Variants in ANTXR1 observed in about 807,000 individuals in gnomAD.
The protein encoded by ANTXR1 is anthrax toxin receptor 1.
ANTXR1 carries 19 observed loss-of-function variants against 78.1 expected under a neutral mutation model. The ratio of observed to expected loss-of-function variants is 0.24; its 90% CI spans 0.17 to 0.36. ANTXR1 has a LOEUF of 0.36. Ranked by LOEUF, ANTXR1 falls within the 10% of genes least tolerant of loss-of-function variation. The pLI, the probability that ANTXR1 is intolerant of heterozygous loss-of-function variation, is 1.00. For synonymous variants in ANTXR1, 273 were observed against 260.5 expected (o/e 1.05, Z -0.46); for missense variants, 518 against 718.6 (o/e 0.72, Z 3.19).
intron 17 of ANTXR1, among the ~76,000 whole-genome samples, chr2:69,205,904 CTTTAAG>C (rs1415743687): frequency 1.3e-5 from 2 of 150,188 alleles, no homozygotes; most frequent in Non-Finnish European, 3.0e-5. Flanking sequence ...AATAACTTTT[CTTTAAG>C]TTTGTTTGAA....
intron 14 of ANTXR1, among the ~76,000 whole-genome samples, chr2:69,180,106 C>T (rs1674236092): frequency 6.6e-6 from 1 of 152,246 alleles, no homozygotes; most frequent in African/African-American, 2.4e-5. Flanking sequence ...CCAAGCACAA[C>T]ATGTAACTCA....
chr2:69,050,377 G>A (rs1669895908), intron 3 of ANTXR1, among the ~76,000 whole-genome samples: 1 of 151,680 alleles, frequency 6.6e-6, no homozygotes, highest in Non-Finnish European at 1.5e-5. Context: ...CTTTATCATG[G>A]TTTGCTATGT....
intron 17 of ANTXR1, among the ~76,000 whole-genome samples, chr2:69,232,498 C>CAAA (rs757638057): frequency 1.1e-5 from 1 of 92,060 alleles, no homozygotes; most frequent in African/African-American, 3.8e-5. Context: ...AGCTTGTCTC[C>CAAA]AAAAAAAAAA....
intron 14 of ANTXR1, chr2:69,172,225 C>G (rs1274698539): frequency 1.2e-5 from 8 of 673,074 alleles, no homozygotes; most frequent in Non-Finnish European, 2.1e-5. Context: ...AGAAACTACC[C>G]AAACTGGAGA....
chr2:69,026,689 G>A (rs764802307), intron 1 of ANTXR1, among the ~76,000 whole-genome samples: 5 of 152,196 alleles, frequency 3.3e-5, no homozygotes, highest in African/African-American at 4.8e-5. Flanking sequence ...CTGTTTTGGG[G>A]CATCATAAGA....
intron 17 of ANTXR1, among the ~76,000 whole-genome samples, chr2:69,244,195 G>GCCCTGTCTTAAGTAGCAC (rs934060965): frequency 1.3e-5 from 2 of 152,344 alleles, no homozygotes; most frequent in African/African-American, 4.8e-5. Context: ...GCTACTTAAG[G>GCCCTGTCTTAAGTAGCAC]CTGGCTTTGG....
intron 17 of ANTXR1, among the ~76,000 whole-genome samples, chr2:69,196,122 T>C (rs924821568): frequency 2.0e-5 from 3 of 152,228 alleles, no homozygotes; most frequent in Non-Finnish European, 4.4e-5. Context: ...TTAAATTGAA[T>C]CTCTTATTTA....
rs79369045 is a variant in ANTXR1, at chr2:69,148,092, C to T, written c.952-4077C>T. 7.0e-4 allele frequency among the ~76,000 whole-genome samples: 106 copies of T among 152,298 alleles called. 2 individuals are homozygous for T. The East Asian group carries it at 0.014, about 20-fold the overall frequency. On this transcript the variant is annotated intron_variant, in intron 12 of 17. Transcript: ENST00000303714. ...TCCAGTCCATACTCTCCAGTGTCAA[C>T]AGCATTTGCTTTCCAAGAAGCAAAT...
intron 17 of ANTXR1, among the ~76,000 whole-genome samples, chr2:69,208,776 T>C (rs1368740885): frequency 6.6e-6 from 1 of 152,234 alleles, no homozygotes; most frequent in Non-Finnish European, 1.5e-5. Flanking sequence ...TCAGAAATTA[T>C]GGATCTCTGC....
At chr2:69,128,677 G>C (rs1443253451) in intron 12 of ANTXR1, among the ~76,000 whole-genome samples, 1 of 152,168 alleles carries the variant, frequency 6.6e-6, no homozygotes, top group Non-Finnish European at 1.5e-5. Flanking sequence ...CTATCATTGG[G>C]CAAAATAGAG....
intron 16 of ANTXR1, 145 bp from the exon 17 acceptor site, chr2:69,193,190 G>A (rs1674580681): frequency 4.2e-6 from 3 of 719,298 alleles, no homozygotes; most frequent in Non-Finnish European, 5.1e-6. Context: ...TTAAGGGACT[G>A]CAGAGTCACT....
At chr2:69,023,529 G>GATA (rs78183445) in intron 1 of ANTXR1, among the ~76,000 whole-genome samples, 101,308 of 151,368 alleles carry the variant, frequency 0.67, 36,212 homozygotes, top group East Asian at 0.95. Flanking sequence ...TGATGATGAT[G>GATA]ATGATGATGA....
At chr2:69,056,161 T>C (rs1433577877) in intron 3 of ANTXR1, among the ~76,000 whole-genome samples, 2 of 152,160 alleles carry the variant, frequency 1.3e-5, no homozygotes, top group Non-Finnish European at 1.5e-5. Flanking sequence ...ACTTTAGAAG[T>C]AGTCAACAGA....
At chr2:69,141,000 T>TAC (rs1490155339) in intron 12 of ANTXR1, among the ~76,000 whole-genome samples, 2 of 152,268 alleles carry the variant, frequency 1.3e-5, no homozygotes, top group African/African-American at 4.8e-5. Flanking sequence ...CATTTATGGT[T>TAC]GATCAGCTTT....
chr2:69,220,561 G>A (rs950362959), intron 17 of ANTXR1, among the ~76,000 whole-genome samples: 2 of 152,120 alleles, frequency 1.3e-5, no homozygotes, highest in Non-Finnish European at 2.9e-5. Context: ...AACATAAAAG[G>A]CCTCTTTATA....
chr2:69,054,036 C>G, intron 3 of ANTXR1, among the ~76,000 whole-genome samples: 1 of 152,042 alleles, frequency 6.6e-6, no homozygotes, highest in East Asian at 1.9e-4. Context: ...GTGTTTATAT[C>G]TAAATATAAT....
chr2:69,032,698 C>T (rs1056571365), intron 1 of ANTXR1, among the ~76,000 whole-genome samples: 1 of 152,014 alleles, frequency 6.6e-6, no homozygotes, highest in Non-Finnish European at 1.5e-5. Context: ...GAATCTGCAC[C>T]AAAAGTACCA....
In ANTXR1 at chr2:69,103,066, A is replaced by AC. The variant is rs536207689; in HGVS notation, c.802+131dup. Reference sequence around the variant, plus strand: ...GAAAAGAGTCTTATTTGCTGGAAAGACCCCCAGCAAGGGCATAGTGAGCCC... The same window carrying AC: ...GAAAAGAGTCTTATTTGCTGGAAAGACCCCCCAGCAAGGGCATAGTGAGCCC... On this transcript the variant is annotated intron_variant, in intron 10 of 17. Transcript: ENST00000303714. The AC allele has an allele frequency of 1.5e-3, 1,515 of 1,022,590 alleles. 32 individuals carry two copies. The South Asian group carries it at 0.017, about 12-fold the overall frequency. 63.3% of individuals were successfully genotyped at this position (1,022,590 alleles called of 1,614,324 possible).
chr2:69,113,516 G>T (rs7606668), intron 10 of ANTXR1, among the ~76,000 whole-genome samples: 4,472 of 152,298 alleles, frequency 0.029, 198 homozygotes, highest in African/African-American at 0.097. Context: ...ATGCCATTCA[G>T]CTCTGGCAGC....
Sources: allele counts gnomAD v4.1 joint callset (sites outside exome capture counted in the v4.1 genomes callset), GRCh38; gene constraint gnomAD v4.1.1; transcripts MANE v1.5; gene names NCBI Gene and HGNC (gene_info 2026-07-23, HGNC 2026-07-21).